Variants in DOCK1 observed in about 807,000 individuals in gnomAD.
DOCK1 encodes the protein dedicator of cytokinesis 1.
A neutral mutation model predicts 262.7 loss-of-function variants in DOCK1; 138 were observed. The observed-to-expected ratio is 0.53, with a 90% CI of 0.46 to 0.61. The LOEUF is 0.61. Among genes scored for constraint, DOCK1 ranks in the 20% least tolerant of loss-of-function variants. The pLI is 0.00. For missense variants in DOCK1, 1,908 were observed against 2,370.7 expected, an observed-to-expected ratio of 0.80 and a Z score of 4.05; for synonymous variants, 866 against 867.4, an observed-to-expected ratio of 1.00 and a Z score of 0.03.
chr10:127,375,844 A>G (rs145095305), intron 35 of DOCK1, among the ~76,000 whole-genome samples: 1 of 152,338 alleles, frequency 6.6e-6, no homozygotes, highest in African/African-American at 2.4e-5. Flanking sequence ...ACAACAAGAA[A>G]AAAGCTGAAC....
chr10:126,940,030 A>G (rs1017292190), intron 1 of DOCK1, among the ~76,000 whole-genome samples: 1 of 152,104 alleles, frequency 6.6e-6, no homozygotes, highest in Admixed American at 6.5e-5. Flanking sequence ...TTTGGAGGAG[A>G]AGCAAGAAGG....
At chr10:127,232,640 C>A (rs1489950124) in intron 27 of DOCK1, among the ~76,000 whole-genome samples, 1 of 152,154 alleles carries the variant, frequency 6.6e-6, no homozygotes, top group African/African-American at 2.4e-5. Flanking sequence ...TCCATTTAAC[C>A]AATCAACCTA....
At chr10:127,255,416 A>G (rs1298512363) in intron 28 of DOCK1, among the ~76,000 whole-genome samples, 3 of 152,188 alleles carry the variant, frequency 2.0e-5, no homozygotes, top group Non-Finnish European at 4.4e-5. Flanking sequence ...AATAGAAACT[A>G]AAACAAAAAA....
intron 51 of DOCK1, among the ~76,000 whole-genome samples, chr10:127,447,962 C>A (rs967707809): frequency 3.3e-5 from 5 of 152,300 alleles, no homozygotes; most frequent in African/African-American, 1.2e-4. Context: ...GTATGGCAGG[C>A]ACCTGTTGTA....
intron 1 of DOCK1, among the ~76,000 whole-genome samples, chr10:126,945,606 G>A (rs2035339298): frequency 6.6e-6 from 1 of 152,144 alleles, no homozygotes; most frequent in African/African-American, 2.4e-5. Flanking sequence ...ATACTCAACG[G>A]GATCATTTTT....
At chr10:127,449,180 G>A (rs7079945) in intron 51 of DOCK1, among the ~76,000 whole-genome samples, 9 of 152,178 alleles carry the variant, frequency 5.9e-5, no homozygotes, top group South Asian at 4.1e-4. Flanking sequence ...AATGGAAGCC[G>A]GACCTTCCCC....
At chr10:127,226,893 C>T (rs1484551505) in intron 27 of DOCK1, among the ~76,000 whole-genome samples, 5 of 152,132 alleles carry the variant, frequency 3.3e-5, no homozygotes, top group African/African-American at 1.2e-4. Flanking sequence ...TATTGCGTTC[C>T]CCACAGCACC....
chr10:127,439,739 G>T (rs1392294438), intron 49 of DOCK1, among the ~76,000 whole-genome samples: 1 of 152,262 alleles, frequency 6.6e-6, no homozygotes, highest in Non-Finnish European at 1.5e-5. Flanking sequence ...TGTCTCATCT[G>T]CTCCACCTTT....
chr10:127,022,601 G>T (rs2042518496), intron 13 of DOCK1, among the ~76,000 whole-genome samples: 1 of 152,038 alleles, frequency 6.6e-6, no homozygotes, highest in African/African-American at 2.4e-5. Context: ...TCACCATGTT[G>T]GCCAGGCTGG....
At chr10:126,924,854 G>C (rs2033559546) in intron 1 of DOCK1, among the ~76,000 whole-genome samples, 1 of 152,240 alleles carries the variant, frequency 6.6e-6, no homozygotes, top group African/African-American at 2.4e-5. Context: ...GGAAATGAAG[G>C]ATTGGATGAA....
At chr10:126,949,861 A>G (rs2036039128) in intron 1 of DOCK1, among the ~76,000 whole-genome samples, 2 of 151,862 alleles carry the variant, frequency 1.3e-5, no homozygotes. Flanking sequence ...GAGAGTGGCC[A>G]GAGAGGCAAA....
At chr10:127,448,802 G>GTT (rs11430524) in intron 51 of DOCK1, among the ~76,000 whole-genome samples, 104 of 148,372 alleles carry the variant, frequency 7.0e-4, no homozygotes, top group East Asian at 9.9e-4. Flanking sequence ...GTGAGACATG[G>GTT]TTTTTTTTTT....
chr10:127,366,744 C>T (rs2064939152), intron 33 of DOCK1, among the ~76,000 whole-genome samples: 1 of 152,208 alleles, frequency 6.6e-6, no homozygotes, highest in Non-Finnish European at 1.5e-5. Flanking sequence ...CCTGCTTCTC[C>T]ATCCACGAGC....
chr10:126,978,540 C>T (rs1334690506), intron 3 of DOCK1, among the ~76,000 whole-genome samples: 2 of 152,088 alleles, frequency 1.3e-5, no homozygotes, highest in Admixed American at 1.3e-4. Flanking sequence ...GGTGGGCACT[C>T]CCATACACAA....
chr10:127,070,308 C>T (rs2046149070), intron 23 of DOCK1, among the ~76,000 whole-genome samples: 1 of 124,872 alleles, frequency 8.0e-6, no homozygotes, highest in Non-Finnish European at 1.6e-5. Context: ...GGCTGGAGAG[C>T]AGTGGTGTGA....
At chr10:127,291,049 G>A (rs2061330320) in intron 29 of DOCK1, among the ~76,000 whole-genome samples, 1 of 152,156 alleles carries the variant, frequency 6.6e-6, no homozygotes, top group Admixed American at 6.5e-5. Context: ...AGGACAGCTG[G>A]GGCTTTGCAT....
At chr10:127,396,576 G>A (rs1250536948) in intron 38 of DOCK1, among the ~76,000 whole-genome samples, 2 of 152,126 alleles carry the variant, frequency 1.3e-5, no homozygotes, top group South Asian at 2.1e-4. Context: ...TCCCTCACCA[G>A]TGGCCAGTAG....
chr10:127,401,650 A>G (rs1286356377), intron 38 of DOCK1, among the ~76,000 whole-genome samples: 1 of 152,110 alleles, frequency 6.6e-6, no homozygotes, highest in Non-Finnish European at 1.5e-5. Context: ...GCTGATCACC[A>G]GCTTGTGTTT....
intron 35 of DOCK1, among the ~76,000 whole-genome samples, chr10:127,374,626 A>G (rs192718925): frequency 2.0e-5 from 3 of 152,300 alleles, no homozygotes; most frequent in Admixed American, 2.0e-4. Context: ...TTATTTGGAA[A>G]CAAGAGGCCC....
Sources: allele counts gnomAD v4.1 joint callset (sites outside exome capture counted in the v4.1 genomes callset), GRCh38; gene constraint gnomAD v4.1.1; transcripts MANE v1.5; gene names NCBI Gene and HGNC (gene_info 2026-07-23, HGNC 2026-07-21).